The following SMC3 variants were observed in gnomAD, a reference collection of about 807,000 sequenced individuals.
The protein encoded by SMC3 is structural maintenance of chromosomes protein 3.
In SMC3, 20 loss-of-function variants were observed where a neutral mutation model predicts 171.8. The observed-to-expected ratio is 0.12, with a 90% CI of 0.08 to 0.17. The LOEUF is 0.17. Among genes scored for constraint, SMC3 ranks in the 10% least tolerant of loss-of-function variants. The pLI is 1.00. For missense variants in SMC3, 543 were observed against 1,420.4 expected (o/e 0.38, Z 9.93); for synonymous variants, 464 against 451.1 (o/e 1.03, Z -0.36).
At chr10:110,595,417 T>C (rs929144355) in intron 18 of SMC3, among the ~76,000 whole-genome samples, 3 of 152,228 alleles carry the variant, frequency 2.0e-5, no homozygotes, top group African/African-American at 7.2e-5. Flanking sequence ...GCTACATGAA[T>C]GATATGTACT....
chr10:110,577,605 A>C, intron 5 of SMC3, 113 bp downstream of exon 5: 1 of 784,808 alleles, frequency 1.3e-6, no homozygotes, highest in South Asian at 1.6e-5. Context: ...CAGTTTATAT[A>C]CTGATTTTAT....
intron 6 of SMC3, 111 bp from the exon 7 acceptor site, chr10:110,578,517 T>C: frequency 1.3e-6 from 1 of 750,146 alleles, no homozygotes; most frequent in Non-Finnish European, 2.3e-6. Context: ...ACAGATGGTT[T>C]AATTACTGAT....
Position 110,589,736 on chromosome 10 carries a change from T to G in SMC3, c.1409+28T>G, listed in dbSNP as rs893873376. 3 of 1,472,806 alleles carry G rather than the reference T, an allele frequency of 2.0e-6. No individual in the cohort carries two copies. In the East Asian group the frequency reaches 6.8e-5, roughly 33 times the overall value. 91.2% of individuals were successfully genotyped at this position (1,472,806 alleles called of 1,614,324 possible). On this transcript the variant is annotated intron_variant, in intron 14 of 28. Transcript: ENST00000361804. ...TAGTATAGACTAAAATGTGCATTAA[T>G]GTTTTCAGTAATGTTCGTTACTAGC...
At chr10:110,594,785 ATCATG>A (rs57314159) in intron 18 of SMC3, among the ~76,000 whole-genome samples, 8,183 of 152,102 alleles carry the variant, frequency 0.054, 702 homozygotes, top group African/African-American at 0.18. Context: ...TAAGTAAAAC[ATCATG>A]TCATGTCATC....
Position 110,603,275 on chromosome 10 carries a change from A to C in SMC3, c.3567A>C (p.Val1189=). The stretch of plus-strand genomic sequence containing the variant: ...AGTCAGCTGACAAATTCTATGGTGT[A>C]AAGTTCAGAAATAAGGTAATTTTAT... ...LLESADKFYG[V]KFRNKVSHID... The change falls in exon 28 of 29, where the codon GTA becomes GTC. Residue 1189 remains valine (V), a synonymous_variant. Coordinates refer to ENST00000361804, the MANE Select transcript of SMC3 (RefSeq NM_005445.4). 6.3e-7 allele frequency: 1 copy of C among 1,588,194 alleles called. No homozygotes were observed.
At chr10:110,585,196 T>A (rs1021816339) in intron 13 of SMC3, among the ~76,000 whole-genome samples, 1 of 151,706 alleles carries the variant, frequency 6.6e-6, no homozygotes, top group African/African-American at 2.4e-5. Context: ...GTCAGGCTGC[T>A]CTCAAACTCC....
intron 15 of SMC3, 93 bp from the exon 16 acceptor site, chr10:110,590,319 A>G (rs1233158258): frequency 9.1e-7 from 1 of 1,093,370 alleles, no homozygotes. Flanking sequence ...TCACTGGTAT[A>G]TTTTTAAAAT....
At position 110,568,892 on chromosome 10, in the gene SMC3, A is replaced by AT. The variant is rs149144103; in HGVS notation, c.16-38dup. The AT allele has an allele frequency of 0.066, 72,355 of 1,103,746 alleles. 4,252 individuals are homozygous for AT. The highest frequency in any genetic ancestry group is 0.28 in the African/African-American group (17,753 of 64,368). The allele number at this position is 1,103,746 out of a possible 1,614,324, so 68.4% of individuals were successfully genotyped here. A position where few individuals can be genotyped will look rare whatever the true frequency, so the allele number is the denominator to read the frequency against. ...AAAGAAATGCAAGAGAAAAATGTTAATTTTTTTTGTGGGGTGGGTTCTCAA... is the reference window on the plus strand; with the variant it reads ...AAAGAAATGCAAGAGAAAAATGTTAATTTTTTTTTGTGGGGTGGGTTCTCAA... On this transcript the variant is annotated intron_variant, in intron 1 of 28. Coordinates refer to ENST00000361804, the MANE Select transcript of SMC3 (RefSeq NM_005445.4).
intron 13 of SMC3, among the ~76,000 whole-genome samples, chr10:110,584,631 T>G (rs565118771): frequency 1.3e-5 from 2 of 152,318 alleles, no homozygotes; most frequent in East Asian, 3.9e-4. Flanking sequence ...ATGTATGTAT[T>G]TTTAATTTTT....
chr10:110,567,916 C>T, intron 1 of SMC3, 85 bp downstream of exon 1: 3 of 1,415,972 alleles, frequency 2.1e-6, no homozygotes, highest in East Asian at 2.6e-5. Flanking sequence ...CACCCGCAGC[C>T]TCTCCCCTGT....
In SMC3 at chr10:110,596,523, A is replaced by G. The variant is rs1175127607; in HGVS notation, c.2089A>G (p.Asn697Asp). The change falls in exon 19 of 29, where the codon AAT becomes GAT. Residue 697 changes from asparagine (N) to aspartate (D), a missense_variant. Around this residue, in one of 8 missense-constraint regions of SMC3, gnomAD observed 218 missense variants for 509.6 expected, o/e 0.43. Coordinates refer to ENST00000361804, the MANE Select transcript of SMC3 (RefSeq NM_005445.4). Reference sequence around the variant, plus strand: ...ACTAGGTGAACTTGAAGCAAAGCTCAATGAAAACCTGCGCAGAAATATTGA... The same window carrying G: ...ACTAGGTGAACTTGAAGCAAAGCTCGATGAAAACCTGCGCAGAAATATTGA... ...EELGELEAKL[N>D]ENLRRNIERI... is the part of the protein sequence containing the mutation. 1 of 1,609,184 alleles carries G rather than the reference A, an allele frequency of 6.2e-7. No homozygotes were observed. The highest frequency in any genetic ancestry group is 8.5e-7 in the Non-Finnish European group (1 of 1,175,732).
chr10:110,581,787 A>T, intron 8 of SMC3, 136 bp from the exon 9 acceptor site: 1 of 894,424 alleles, frequency 1.1e-6, no homozygotes, highest in Non-Finnish European at 1.7e-6. Flanking sequence ...TTAGTATTTT[A>T]AATTGGGTTA....
chr10:110,602,375 C>G (rs565494723), intron 25 of SMC3, 99 bp from the exon 26 acceptor site: 12 of 1,099,786 alleles, frequency 1.1e-5, no homozygotes, highest in African/African-American at 3.1e-5. Flanking sequence ...TATCCTTGTT[C>G]TTAAGATTAA....
Position 110,567,761 on chromosome 10 carries a change from G to A in SMC3, c.-56G>A, listed in dbSNP as rs915396629. On this transcript the variant is annotated 5_prime_UTR_variant, in exon 1 of 29. Transcript: ENST00000361804. ...GCGTAGGCGCCTCACCTGACCCTGCGGCCGTGCGGTTGCTGCTCCGGGGCA... is the reference window on the plus strand; with the variant it reads ...GCGTAGGCGCCTCACCTGACCCTGCAGCCGTGCGGTTGCTGCTCCGGGGCA... 3.1e-6 allele frequency: 5 copies of A among 1,611,100 alleles called. No homozygotes were observed. Among genetic ancestry groups the A allele is most frequent in the Non-Finnish European group, 4.2e-6 (5 of 1,178,160 alleles).
chr10:110,601,973 G>A lies in SMC3; in HGVS notation c.2900G>A (p.Arg967Gln), dbSNP rs761995373. The A allele has an allele frequency of 2.5e-6, 4 of 1,612,842 alleles. No homozygotes were observed. Among genetic ancestry groups the A allele is most frequent in the African/African-American group, 1.3e-5 (1 of 74,834 alleles). The change falls in exon 25 of 29, where the codon CGA (arginine) becomes CAA (glutamine). Residue 967 changes from arginine to glutamine, a missense_variant. Around this residue, in one of 8 missense-constraint regions of SMC3, gnomAD observed 81 missense variants for 184.2 expected, o/e 0.44. Coordinates refer to ENST00000361804, the MANE Select transcript of SMC3 (RefSeq NM_005445.4). Reference protein sequence around the residue: ...YQTLSLKQLFRKLEQCNTELK... With the variant: ...YQTLSLKQLFQKLEQCNTELK... ...CATATTTTCTCTTTATAGTTGTTTC[G>A]AAAACTTGAGCAGTGCAACACAGAA...
At position 110,590,234 on chromosome 10, in the gene SMC3, A is replaced by G. The variant is rs11812150; in HGVS notation, c.1510-178A>G. Among the ~76,000 whole-genome samples, 3,301 of 152,330 alleles carry G rather than the reference A, an allele frequency of 0.022. 118 individuals are homozygous for G. The highest frequency in any genetic ancestry group is 0.073 in the African/African-American group (3,027 of 41,562). On this transcript the variant is annotated intron_variant, in intron 15 of 28. Coordinates refer to ENST00000361804, the MANE Select transcript of SMC3 (RefSeq NM_005445.4). ...ACACTACTGTTATGGAACAGAGCCT[A>G]TCATATAAGGTGTTACATGTAGTTG...
At chr10:110,600,298 A>G (rs1246466314) in intron 21 of SMC3, 141 bp from the exon 22 acceptor site, 3 of 639,878 alleles carry the variant, frequency 4.7e-6, no homozygotes, top group Non-Finnish European at 8.5e-6. Context: ...TGAAGAAAGT[A>G]TAGGGCTTTT....
chr10:110,568,691 C>T (rs916418650), intron 1 of SMC3, among the ~76,000 whole-genome samples: 9 of 151,680 alleles, frequency 5.9e-5, no homozygotes, highest in African/African-American at 2.2e-4. Flanking sequence ...AGGTCCTTAA[C>T]AGGTTGACAG....
At chr10:110,568,905 G>A (rs371157315) in intron 1 of SMC3, 33 bp from the exon 2 acceptor site, 7 of 1,190,224 alleles carry the variant, frequency 5.9e-6, no homozygotes, top group Non-Finnish European at 8.8e-6. Flanking sequence ...TTTTTTGTGG[G>A]GTGGGTTCTC....
Sources: allele counts gnomAD v4.1 joint callset (sites outside exome capture counted in the v4.1 genomes callset), GRCh38; gene constraint gnomAD v4.1.1; regional missense constraint gnomAD v4.1.1; transcripts MANE v1.5; gene names NCBI Gene and HGNC (gene_info 2026-07-23, HGNC 2026-07-21).